Variants in SP3 observed in about 807,000 individuals in gnomAD.
SP3 encodes Sp3 transcription factor.
A neutral mutation model predicts 70.3 loss-of-function variants in SP3; 10 were observed. The ratio of observed to expected loss-of-function variants is 0.14; its 90% CI spans 0.09 to 0.24. The LOEUF is 0.24. Ranked by LOEUF, SP3 falls within the 10% of genes least tolerant of loss-of-function variation. The pLI, the probability that SP3 is intolerant of heterozygous loss-of-function variation, is 1.00. For synonymous variants in SP3, 402 were observed against 333.5 expected, an observed-to-expected ratio of 1.21 and a Z score of -2.24; for missense variants, 825 against 914.6, an observed-to-expected ratio of 0.90 and a Z score of 1.26.
At chr2:173,927,186 T>C (rs1311134799) in intron 4 of SP3, among the ~76,000 whole-genome samples, 2 of 151,878 alleles carry the variant, frequency 1.3e-5, no homozygotes, top group African/African-American at 4.8e-5. Context: ...CATGATCAAA[T>C]CACCTTCCAT....
chr2:173,932,905 T>C (rs189273146), intron 4 of SP3, among the ~76,000 whole-genome samples: 146 of 152,240 alleles, frequency 9.6e-4, no homozygotes, highest in African/African-American at 3.3e-3. Context: ...GGCAGGAGAA[T>C]GGCCTGAATC....
chr2:173,953,038 T>C (rs556440199), intron 4 of SP3, among the ~76,000 whole-genome samples: 1 of 152,374 alleles, frequency 6.6e-6, no homozygotes, highest in Middle Eastern at 3.4e-3. Flanking sequence ...AGTTTTACGG[T>C]ATGTGAGTTA....
upstream of SP3, chr2:173,965,428 T>C (rs1691264348): frequency 3.8e-6 from 2 of 527,752 alleles, no homozygotes; most frequent in Middle Eastern, 1.0e-3. Flanking sequence ...GCCGTGCTCT[T>C]TGTCGGCTGT....
chr2:173,954,413 A>C (rs760368749), intron 4 of SP3, among the ~76,000 whole-genome samples: 2 of 152,168 alleles, frequency 1.3e-5, no homozygotes, highest in Non-Finnish European at 2.9e-5. Context: ...CGAAAGAAAA[A>C]TAACTTGGTC....
At chr2:173,956,382 A>T (rs891694914) in intron 3 of SP3, 150 bp from the exon 4 acceptor site, 1 of 730,258 alleles carries the variant, frequency 1.4e-6, no homozygotes, top group Admixed American at 3.3e-5. Context: ...GTACTATATG[A>T]ACTACAATAA....
At position 173,906,373 on chromosome 2, in the gene SP3, A is replaced by C. The variant is rs1689321272; in HGVS notation, c.*3568T>G. On this transcript the variant is annotated 3_prime_UTR_variant, in exon 7 of 7. Coordinates refer to ENST00000310015, the MANE Select transcript of SP3 (RefSeq NM_003111.5). Reference sequence around the variant, plus strand: ...TAAAATTATGAGGTGATTTCACAAAAATATCAAATTTGTACCAAAGATATC... The same window carrying C: ...TAAAATTATGAGGTGATTTCACAAACATATCAAATTTGTACCAAAGATATC... 6.6e-6 allele frequency: 1 copy of C among 152,198 alleles called. No individual in the cohort carries two copies. Among genetic ancestry groups the C allele is most frequent in the South Asian group, 2.1e-4 (1 of 4,826 alleles). 9.4% of individuals were successfully genotyped at this position (152,198 alleles called of 1,614,324 possible).
Position 173,956,244 on chromosome 2 carries a change from A to C in SP3, c.280-12T>G. 6.4e-7 allele frequency: 1 copy of C among 1,563,442 alleles called. No homozygotes were observed. Among genetic ancestry groups the C allele is most frequent in the Non-Finnish European group, 8.6e-7 (1 of 1,157,020 alleles). On this transcript the variant is annotated splice_polypyrimidine_tract_variant and intron_variant, in intron 3 of 6. Coordinates refer to ENST00000310015, the MANE Select transcript of SP3 (RefSeq NM_003111.5). ...GCCAAATCACCTGTCTGGATGAAGA[A>C]AACAAAAAGGTGATATATTTGTGGT...
intron 6 of SP3, among the ~76,000 whole-genome samples, 162 bp from the exon 7 acceptor site, chr2:173,910,419 C>T (rs1689446532): frequency 6.6e-6 from 1 of 152,154 alleles, no homozygotes; most frequent in Non-Finnish European, 1.5e-5. Flanking sequence ...CCAGATTTCT[C>T]TTACAGAATA....
intron 4 of SP3, among the ~76,000 whole-genome samples, chr2:173,946,872 C>T (rs903486974): frequency 6.7e-6 from 1 of 149,658 alleles, no homozygotes; most frequent in Non-Finnish European, 1.5e-5. Context: ...CAGGTGTGTA[C>T]CACCACGCCT....
chr2:173,917,594 A>G (rs1287201186), intron 5 of SP3, among the ~76,000 whole-genome samples: 1 of 152,158 alleles, frequency 6.6e-6, no homozygotes, highest in Non-Finnish European at 1.5e-5. Flanking sequence ...AAGCTCTATT[A>G]GATCAAGTTT....
intron 4 of SP3, among the ~76,000 whole-genome samples, chr2:173,924,091 A>T (rs1689841279): frequency 6.6e-6 from 1 of 152,104 alleles, no homozygotes; most frequent in African/African-American, 2.4e-5. Flanking sequence ...TATAATAATA[A>T]TTTTAAAAAT....
chr2:173,951,988 C>T (rs1436183178), intron 4 of SP3, among the ~76,000 whole-genome samples: 1 of 152,068 alleles, frequency 6.6e-6, no homozygotes, highest in African/African-American at 2.4e-5. Flanking sequence ...GTATCAAGCT[C>T]ATAATAGATT....
intron 4 of SP3, 116 bp downstream of exon 4, chr2:173,954,753 TACAA>T: frequency 1.1e-6 from 1 of 881,336 alleles, no homozygotes; most frequent in South Asian, 1.8e-5. Context: ...CATATTTTCA[TACAA>T]ACATTGATCA....
At chr2:173,911,686 T>C (rs890341969) in intron 6 of SP3, among the ~76,000 whole-genome samples, 6 of 152,194 alleles carry the variant, frequency 3.9e-5, no homozygotes, top group African/African-American at 1.4e-4. Flanking sequence ...AAAATCCTAC[T>C]GAGGAAAATT....
Position 173,901,076 on chromosome 2 carries a change from A to C in SP3, c.*8865T>G, listed in dbSNP as rs1208453991. On this transcript the variant is annotated 3_prime_UTR_variant, in exon 7 of 7. Transcript: ENST00000310015. ...ATTTAGGATAAATAACAGAGAGGGCATTATAATCAGCAGGGAAACGTTGGA... is the reference window on the plus strand; with the variant it reads ...ATTTAGGATAAATAACAGAGAGGGCCTTATAATCAGCAGGGAAACGTTGGA... 6.6e-6 allele frequency among the ~76,000 whole-genome samples: 1 copy of C among 152,244 alleles called. No individual in the cohort carries two copies. The highest frequency in any genetic ancestry group is 2.4e-5 in the African/African-American group (1 of 41,464).
At chr2:173,925,945 TATAAGCAGCTGTA>T (rs1452941292) in intron 4 of SP3, among the ~76,000 whole-genome samples, 1 of 152,236 alleles carries the variant, frequency 6.6e-6, no homozygotes, top group African/African-American at 2.4e-5. Flanking sequence ...AGTGATCTGC[TATAAGCAGCTGTA>T]ACTCACAACT....
chr2:173,956,360 A>C, intron 3 of SP3, 128 bp from the exon 4 acceptor site: 1 of 926,562 alleles, frequency 1.1e-6, no homozygotes, highest in Non-Finnish European at 1.6e-6. Context: ...ATGGAGTTCA[A>C]ATACAGGAGC....
At chr2:173,956,942 T>C (rs1690914642) in intron 3 of SP3, among the ~76,000 whole-genome samples, 1 of 152,194 alleles carries the variant, frequency 6.6e-6, no homozygotes, top group Non-Finnish European at 1.5e-5. Context: ...ATACCTTTTG[T>C]ATTCTGGTGT....
At chr2:173,912,170 ATC>A (rs1689504585) in intron 6 of SP3, among the ~76,000 whole-genome samples, 2 of 152,172 alleles carry the variant, frequency 1.3e-5, no homozygotes, top group South Asian at 2.1e-4. Context: ...GGTTAATCTC[ATC>A]TGTCTACCTA....
Sources: gnomAD v4.1 joint callset for allele counts (sites outside exome capture counted in the v4.1 genomes callset) on GRCh38, gnomAD v4.1.1 for gene constraint, MANE v1.5 for transcripts, NCBI Gene and HGNC (gene_info 2026-07-23, HGNC 2026-07-21) for gene names.